The following RASGRP3 variants were observed in gnomAD, a reference collection of about 807,000 sequenced individuals.
The protein encoded by RASGRP3 is RAS guanyl releasing protein 3, also known as ras guanyl-releasing protein 3.
Under a neutral mutation model 82.7 loss-of-function variants are expected in RASGRP3, and 54 were observed. The observed-to-expected ratio is 0.65, with a 90% CI of 0.52 to 0.82. The LOEUF (loss-of-function observed/expected upper bound fraction) is 0.82, where lower values mean the gene tolerates loss of function less well. Ranked by LOEUF, RASGRP3 falls within the 40% of genes least tolerant of loss-of-function variation. The pLI, the probability that RASGRP3 is intolerant of heterozygous loss-of-function variation, is 0.00. For missense variants in RASGRP3, 861 were observed against 828.9 expected, an observed-to-expected ratio of 1.04 and a Z score of -0.48; for synonymous variants, 309 against 300.5, an observed-to-expected ratio of 1.03 and a Z score of -0.29.
At chr2:33,492,980 A>C (rs1668988823) in intron 1 of RASGRP3, 1 of 152,200 alleles carries the variant, frequency 6.6e-6, no homozygotes, top group South Asian at 2.1e-4. Context: ...ATGAGTCTGC[A>C]GTGACAGGGT....
intron 1 of RASGRP3, among the ~76,000 whole-genome samples, chr2:33,486,286 C>T (rs1025843909): frequency 1.3e-5 from 2 of 151,964 alleles, no homozygotes; most frequent in African/African-American, 4.8e-5. Context: ...GCCTCAGCCT[C>T]CTGAGTAACT....
chr2:33,483,075 T>G (rs976083121), intron 1 of RASGRP3: 21 of 152,060 alleles, frequency 1.4e-4, no homozygotes, highest in Admixed American at 3.9e-4. Context: ...GTTAAAAGTA[T>G]ACCTTCCTGG....
At chr2:33,508,554 A>G (rs1670624145) in intron 1 of RASGRP3, among the ~76,000 whole-genome samples, 1 of 152,160 alleles carries the variant, frequency 6.6e-6, no homozygotes, top group Admixed American at 6.5e-5. Flanking sequence ...TCTCATTTTT[A>G]TGGAAGGAAA....
intron 2 of RASGRP3, among the ~76,000 whole-genome samples, chr2:33,461,498 G>A (rs1666363648): frequency 6.6e-6 from 1 of 152,154 alleles, no homozygotes. Context: ...GGCTGGTCTT[G>A]AACTCCCAAG....
intron 1 of RASGRP3, among the ~76,000 whole-genome samples, chr2:33,510,086 G>A (rs1670790771): frequency 1.3e-5 from 2 of 152,282 alleles, no homozygotes; most frequent in South Asian, 4.2e-4. Context: ...ATTCATGAAG[G>A]ATTAGTCATT....
rs189707717 is a variant in RASGRP3 at position 33,537,395 on chromosome 2, G to A, written c.1162-1699G>A. Among the ~76,000 whole-genome samples, 412 of 145,294 alleles carry A rather than the reference G, an allele frequency of 2.8e-3. 2 individuals carry two copies. Among genetic ancestry groups the A allele is most frequent in the African/African-American group, 0.01 (400 of 38,568 alleles). ...TTTTTTTTTGAAACGGAGTCTTGCTGTGTCTCCCAGGCTGGAGTACCGTGG... is the reference window on the plus strand; with the variant it reads ...TTTTTTTTTGAAACGGAGTCTTGCTATGTCTCCCAGGCTGGAGTACCGTGG... On this transcript the variant is annotated intron_variant, in intron 11 of 17. Transcript: ENST00000403687.
At chr2:33,441,829 TAAA>T (rs1261515801) in intron 1 of RASGRP3, among the ~76,000 whole-genome samples, 5 of 152,204 alleles carry the variant, frequency 3.3e-5, no homozygotes, top group Admixed American at 2.0e-4. Context: ...GATCTATTCT[TAAA>T]AACATCATAA....
At chr2:33,446,482 AT>A (rs1325099704) in intron 1 of RASGRP3, among the ~76,000 whole-genome samples, 2 of 52,164 alleles carry the variant, frequency 3.8e-5, no homozygotes, top group Admixed American at 6.3e-4. Flanking sequence ...TTTTTTGGAA[AT>A]TTTTTGGATT....
At chr2:33,505,883 G>A (rs753967728) in intron 1 of RASGRP3, among the ~76,000 whole-genome samples, 1 of 152,160 alleles carries the variant, frequency 6.6e-6, no homozygotes, top group Non-Finnish European at 1.5e-5. Context: ...AATGCTAGGA[G>A]AATACCCCCT....
intron 6 of RASGRP3, among the ~76,000 whole-genome samples, chr2:33,521,060 T>C (rs1020718831): frequency 5.9e-5 from 9 of 152,208 alleles, no homozygotes; most frequent in African/African-American, 2.2e-4. Context: ...AGCATTGGCG[T>C]TACCTGGGAG....
chr2:33,559,324 C>G (rs555206983), intron 17 of RASGRP3, among the ~76,000 whole-genome samples: 1 of 152,256 alleles, frequency 6.6e-6, no homozygotes, highest in South Asian at 2.1e-4. Flanking sequence ...AAACCCATGA[C>G]TATATATCCA....
chr2:33,546,451 A>T (rs185579843), intron 13 of RASGRP3, among the ~76,000 whole-genome samples: 1 of 151,998 alleles, frequency 6.6e-6, no homozygotes, highest in Non-Finnish European at 1.5e-5. Flanking sequence ...AAGTCAAAAA[A>T]TAACAGATGC....
chr2:33,523,785 G>A (rs568556187), intron 7 of RASGRP3, 94 bp from the exon 8 acceptor site: 217 of 1,234,320 alleles, frequency 1.8e-4, no homozygotes, highest in African/African-American at 9.4e-4. Flanking sequence ...GTGTTGTTAC[G>A]AAACAATATC....
At chr2:33,543,137 C>T (rs959945641) in intron 12 of RASGRP3, among the ~76,000 whole-genome samples, 3 of 152,164 alleles carry the variant, frequency 2.0e-5, no homozygotes, top group Non-Finnish European at 4.4e-5. Context: ...CTCAGCCTCA[C>T]AAGTGGCTGG....
At position 33,527,036 on chromosome 2, in the gene RASGRP3, T is replaced by C. The variant is rs1016355348; in HGVS notation, c.808-101T>C. 3 of 1,257,254 alleles carry C rather than the reference T, an allele frequency of 2.4e-6. No individual in the cohort carries two copies. In the African/African-American group the frequency reaches 4.5e-5, roughly 19 times the overall value. The allele number at this position is 1,257,254 out of a possible 1,614,324, so 77.9% of individuals were successfully genotyped here. Reference sequence around the variant, plus strand: ...CAGCAACATTGGTGCAAGTGATACTTTTCTCAGTAGCTGAGGAATTTCCTA... The same window carrying C: ...CAGCAACATTGGTGCAAGTGATACTCTTCTCAGTAGCTGAGGAATTTCCTA... On this transcript the variant is annotated intron_variant, in intron 9 of 17. Coordinates refer to ENST00000403687, the MANE Select transcript of RASGRP3 (RefSeq NM_001139488.2).
Position 33,558,194 on chromosome 2 carries a change from C to A in RASGRP3, c.1580-17C>A, listed in dbSNP as rs1230037033. 16 of 1,607,408 alleles carry A rather than the reference C, an allele frequency of 1.0e-5. No homozygotes were observed. In the East Asian group the frequency reaches 2.7e-4, roughly 27 times the overall value. On this transcript the variant is annotated splice_polypyrimidine_tract_variant and intron_variant, in intron 15 of 17. Transcript: ENST00000403687. ...TCAGACACACTAATCATCTGCGACA[C>A]CCTTGGAATTTTTCAGACTGTGGAG...
At chr2:33,485,232 C>T (rs1327625129) in intron 1 of RASGRP3, among the ~76,000 whole-genome samples, 1 of 152,138 alleles carries the variant, frequency 6.6e-6, no homozygotes, top group Admixed American at 6.5e-5. Flanking sequence ...AAAGGGAAGC[C>T]ATTCTGTGGA....
chr2:33,476,470 C>T (rs1447452539), upstream of RASGRP3: 1 of 152,258 alleles, frequency 6.6e-6, no homozygotes, highest in Non-Finnish European at 1.5e-5. Flanking sequence ...TCTGCATGCT[C>T]ATGAGATGGC....
intron 8 of RASGRP3, among the ~76,000 whole-genome samples, 153 bp from the exon 9 acceptor site, chr2:33,524,279 T>C (rs1240866874): frequency 6.6e-6 from 1 of 152,244 alleles, no homozygotes; most frequent in Admixed American, 6.5e-5. Flanking sequence ...ATAATAGATA[T>C]ATTTCTCTGA....
Sources: gnomAD v4.1 joint callset for allele counts (sites outside exome capture counted in the v4.1 genomes callset) on GRCh38, gnomAD v4.1.1 for gene constraint, MANE v1.5 for transcripts, NCBI Gene and HGNC (gene_info 2026-07-23, HGNC 2026-07-21) for gene names.